NEGR1: variants seen among roughly 807,000 people sequenced by gnomAD.
NEGR1 encodes neuronal growth regulator 1.
In NEGR1, 10 loss-of-function variants were observed where a neutral mutation model predicts 40.9. That is an observed-to-expected ratio of 0.24 (90% CI 0.15 to 0.42). The LOEUF is 0.42. NEGR1 is among the 10% of genes least tolerant of loss of function. The probability of loss-of-function intolerance (pLI) is 1.00; values close to 1 mark genes in which losing one functional copy is unlikely to be tolerated. For missense variants in NEGR1, 352 were observed against 438.9 expected (o/e 0.80, Z 1.77); for synonymous variants, 185 against 166.8 (o/e 1.11, Z -0.84).
chr1:72,167,336 A>G (rs1651804557), intron 1 of NEGR1, among the ~76,000 whole-genome samples: 1 of 152,094 alleles, frequency 6.6e-6, no homozygotes, highest in South Asian at 2.1e-4. Context: ...ACATACTCCT[A>G]TTTATGTATA....
At chr1:71,707,520 C>G (rs764372219) in intron 3 of NEGR1, among the ~76,000 whole-genome samples, 2 of 152,178 alleles carry the variant, frequency 1.3e-5, no homozygotes, top group Non-Finnish European at 2.9e-5. Flanking sequence ...GTTTCTGACT[C>G]TAGTCCCTGA....
intron 3 of NEGR1, among the ~76,000 whole-genome samples, chr1:71,709,876 T>G (rs1252255415): frequency 6.6e-6 from 1 of 152,060 alleles, no homozygotes; most frequent in Non-Finnish European, 1.5e-5. Context: ...TGAGATCACA[T>G]CAATTTAAAA....
intron 2 of NEGR1, among the ~76,000 whole-genome samples, chr1:71,883,725 CT>C (rs1170647454): frequency 7.6e-5 from 9 of 118,408 alleles, no homozygotes; most frequent in African/African-American, 2.8e-4. Context: ...TCCCTCCCCC[CT>C]CCCCCCACCC....
In NEGR1 at chr1:71,754,208, G is replaced by A. The variant is rs560392395; in HGVS notation, c.535+21964C>T. Among the ~76,000 whole-genome samples the A allele has an allele frequency of 5.9e-4, 90 of 152,278 alleles. 2 individuals carry two copies. Among genetic ancestry groups the A allele is most frequent in the South Asian group, 2.1e-4 (1 of 4,824 alleles). On this transcript the variant is annotated intron_variant, in intron 3 of 6. Transcript: ENST00000357731. Reference sequence around the variant, plus strand: ...ACCAGCACACAGTACCCACCTCAGAGGTGCTGGGCTCCTCATGCTCTCTGT... The same window carrying A: ...ACCAGCACACAGTACCCACCTCAGAAGTGCTGGGCTCCTCATGCTCTCTGT...
At chr1:71,806,979 AC>A (rs1350574574) in intron 2 of NEGR1, among the ~76,000 whole-genome samples, 2 of 137,270 alleles carry the variant, frequency 1.5e-5, no homozygotes, top group Non-Finnish European at 3.0e-5. Context: ...CGCAAGCTCC[AC>A]CTTCCGGGTT....
intron 1 of NEGR1, among the ~76,000 whole-genome samples, chr1:71,976,656 T>A (rs1485279967): frequency 1.3e-5 from 2 of 152,218 alleles, no homozygotes; most frequent in African/African-American, 4.8e-5. Flanking sequence ...AAATGCTTTC[T>A]GAGTTTATAA....
intron 2 of NEGR1, among the ~76,000 whole-genome samples, chr1:71,783,063 G>A (rs2101726095): frequency 6.6e-6 from 1 of 151,764 alleles, no homozygotes; most frequent in Non-Finnish European, 1.5e-5. Context: ...GTATGTATGT[G>A]CATATTATTT....
At chr1:71,477,475 C>T (rs914417507) in intron 6 of NEGR1, 1 of 152,152 alleles carries the variant, frequency 6.6e-6, no homozygotes, top group Non-Finnish European at 1.5e-5. Context: ...TTTCTTGACT[C>T]TCACCTCCTC....
At chr1:71,640,631 T>G (rs983854196) in intron 4 of NEGR1, among the ~76,000 whole-genome samples, 3 of 152,034 alleles carry the variant, frequency 2.0e-5, no homozygotes, top group Admixed American at 1.3e-4. Context: ...TAACTCAGTA[T>G]CAGACTAGAG....
chr1:72,165,738 T>C (rs144348843), intron 1 of NEGR1, among the ~76,000 whole-genome samples: 1 of 152,092 alleles, frequency 6.6e-6, no homozygotes, highest in East Asian at 1.9e-4. Flanking sequence ...TCCATCAAAC[T>C]ATGGTAGTTG....
At chr1:72,209,709 A>C (rs1248973591) in intron 1 of NEGR1, among the ~76,000 whole-genome samples, 1 of 151,858 alleles carries the variant, frequency 6.6e-6, no homozygotes, top group Non-Finnish European at 1.5e-5. Context: ...ATTGTCTTTC[A>C]AAGTAAATAT....
At chr1:71,999,676 T>TATACATAC (rs1008860056) in intron 1 of NEGR1, among the ~76,000 whole-genome samples, 3 of 52,228 alleles carry the variant, frequency 5.7e-5, no homozygotes, top group Non-Finnish European at 7.9e-5. Flanking sequence ...TATATATATA[T>TATACATAC]ATACATACAT....
chr1:71,951,182 C>G lies in NEGR1; in HGVS notation c.177-15871G>C, dbSNP rs562610846. ...ACACTGCTCCAATAATTAGAGGAAA[C>G]CATTTTTGGCAAAGTATACTTTTGA... is the stretch of plus-strand genomic sequence containing the variant. On this transcript the variant is annotated intron_variant, in intron 1 of 6. Coordinates refer to ENST00000357731, the MANE Select transcript of NEGR1 (RefSeq NM_173808.3). 2.6e-5 allele frequency among the ~76,000 whole-genome samples: 4 copies of G among 151,916 alleles called. No homozygotes were observed. The East Asian group carries it at 7.8e-4, about 29-fold the overall frequency.
intron 1 of NEGR1, among the ~76,000 whole-genome samples, chr1:72,218,830 G>T (rs1326913191): frequency 1.3e-5 from 2 of 152,020 alleles, no homozygotes. Flanking sequence ...CCTATTTGTT[G>T]CAGTCTTGAA....
intron 1 of NEGR1, among the ~76,000 whole-genome samples, chr1:72,064,413 T>A (rs1647228082): frequency 6.6e-6 from 1 of 152,052 alleles, no homozygotes; most frequent in South Asian, 2.1e-4. Context: ...CACCAATAAC[T>A]GAAACAAGAT....
intron 1 of NEGR1, among the ~76,000 whole-genome samples, chr1:71,989,967 T>C (rs1238290794): frequency 2.6e-5 from 4 of 152,180 alleles, no homozygotes; most frequent in African/African-American, 7.2e-5. Flanking sequence ...CTGATACACA[T>C]CTTAAAATGA....
intron 2 of NEGR1, among the ~76,000 whole-genome samples, chr1:71,926,373 C>T (rs947201532): frequency 4.0e-5 from 6 of 150,824 alleles, no homozygotes; most frequent in African/African-American, 1.2e-4. Flanking sequence ...AGTAGGGCAA[C>T]ATTTCTCCTC....
At chr1:72,115,213 T>TA (rs71726829) in intron 1 of NEGR1, among the ~76,000 whole-genome samples, 33,770 of 150,964 alleles carry the variant, frequency 0.22, 4,280 homozygotes, top group Non-Finnish European at 0.29. Flanking sequence ...ATATATATAT[T>TA]TTTTCATTTA....
chr1:71,721,084 TC>T (rs1393080154), intron 3 of NEGR1, among the ~76,000 whole-genome samples: 2 of 152,172 alleles, frequency 1.3e-5, no homozygotes, highest in Non-Finnish European at 2.9e-5. Flanking sequence ...TCAACACAAG[TC>T]ATTGACCCTG....
Sources: allele counts gnomAD v4.1 joint callset (sites outside exome capture counted in the v4.1 genomes callset), GRCh38; gene constraint gnomAD v4.1.1; transcripts MANE v1.5; gene names NCBI Gene and HGNC (gene_info 2026-07-23, HGNC 2026-07-21).